ADAMTS6: variants seen among roughly 807,000 people sequenced by gnomAD.
ADAMTS6 encodes the protein ADAM metallopeptidase with thrombospondin type 1 motif 6.
A neutral mutation model predicts 144.3 loss-of-function variants in ADAMTS6; 23 were observed. The observed-to-expected ratio is 0.16, with a 90% CI of 0.11 to 0.23. The LOEUF is 0.23. Among genes scored for constraint, ADAMTS6 ranks in the 10% least tolerant of loss-of-function variants. The pLI is 1.00. For synonymous variants in ADAMTS6, 444 were observed against 457.5 expected, an observed-to-expected ratio of 0.97 and a Z score of 0.38; for missense variants, 999 against 1,379.6, an observed-to-expected ratio of 0.72 and a Z score of 4.37.
chr5:65,414,695 T>C (rs1755353596), intron 7 of ADAMTS6, among the ~76,000 whole-genome samples: 1 of 152,184 alleles, frequency 6.6e-6, no homozygotes, highest in Non-Finnish European at 1.5e-5. Flanking sequence ...AATTTGGTAG[T>C]GATTTAGAAT....
At chr5:65,226,563 T>C (rs1277101770) in intron 15 of ADAMTS6, among the ~76,000 whole-genome samples, 1 of 152,022 alleles carries the variant, frequency 6.6e-6, no homozygotes, top group Non-Finnish European at 1.5e-5. Flanking sequence ...TAATTGAATG[T>C]TTTTTAAAAA....
intron 7 of ADAMTS6, among the ~76,000 whole-genome samples, chr5:65,372,093 C>G (rs977831288): frequency 7.3e-5 from 11 of 151,208 alleles, no homozygotes; most frequent in South Asian, 2.1e-4. Flanking sequence ...GTCACCACCA[C>G]GCCTGCCCTA....
intron 7 of ADAMTS6, among the ~76,000 whole-genome samples, chr5:65,389,037 AC>A (rs1199312753): frequency 2.0e-5 from 3 of 152,130 alleles, no homozygotes; most frequent in South Asian, 2.1e-4. Flanking sequence ...GAAACTCTCT[AC>A]TGAAAATACA....
intron 7 of ADAMTS6, among the ~76,000 whole-genome samples, chr5:65,339,429 T>A (rs1003986613): frequency 2.9e-5 from 4 of 140,030 alleles, no homozygotes; most frequent in South Asian, 2.2e-4. Context: ...GAAATCAATA[T>A]GGGAACATGT....
At chr5:65,398,441 C>T (rs1753536339) in intron 7 of ADAMTS6, among the ~76,000 whole-genome samples, 1 of 152,134 alleles carries the variant, frequency 6.6e-6, no homozygotes, top group African/African-American at 2.4e-5. Context: ...ATTAATACAG[C>T]TGGCCGGGTG....
intron 21 of ADAMTS6, among the ~76,000 whole-genome samples, chr5:65,194,186 T>C (rs1192775221): frequency 6.6e-6 from 1 of 152,324 alleles, no homozygotes; most frequent in East Asian, 1.9e-4. Flanking sequence ...TCTCAGATGG[T>C]CCCTGATGTT....
chr5:65,464,888 CT>C (rs1331802939), intron 3 of ADAMTS6, among the ~76,000 whole-genome samples: 1 of 152,158 alleles, frequency 6.6e-6, no homozygotes, highest in Non-Finnish European at 1.5e-5. Flanking sequence ...TCCATTGATC[CT>C]ATCACCTTTT....
At chr5:65,363,913 C>T (rs1457545891) in intron 7 of ADAMTS6, among the ~76,000 whole-genome samples, 5 of 152,136 alleles carry the variant, frequency 3.3e-5, no homozygotes, top group Admixed American at 3.3e-4. Flanking sequence ...AAGCTTGTGC[C>T]TAACTATAAA....
rs552788673 is a variant in ADAMTS6 at position 65,392,859 on chromosome 5, A to G, written c.1073+58616T>C. ...CAGCAATCTTACAGCTATCTGAGAC[A>G]TGATAATCATGAAATATTAAAATAT... is the stretch of plus-strand genomic sequence containing the variant. On this transcript the variant is annotated intron_variant, in intron 7 of 24. Coordinates refer to ENST00000381055, the MANE Select transcript of ADAMTS6 (RefSeq NM_197941.4). Among the ~76,000 whole-genome samples, 5 of 152,314 alleles carry G rather than the reference A, an allele frequency of 3.3e-5. No individual in the cohort carries two copies. In the South Asian group the frequency reaches 1.0e-3, roughly 32 times the overall value.
At chr5:65,343,846 T>C (rs929993537) in intron 7 of ADAMTS6, among the ~76,000 whole-genome samples, 2 of 151,764 alleles carry the variant, frequency 1.3e-5, no homozygotes, top group African/African-American at 4.8e-5. Context: ...AATTAAAACA[T>C]CTCAACAGCA....
intron 7 of ADAMTS6, among the ~76,000 whole-genome samples, chr5:65,416,779 CAAAAT>C (rs1278358107): frequency 2.1e-5 from 3 of 146,106 alleles, no homozygotes; most frequent in African/African-American, 5.0e-5. Flanking sequence ...ACAACAACAA[CAAAAT>C]AAAATAAAAT....
At chr5:65,339,830 C>T (rs1015092917) in intron 7 of ADAMTS6, among the ~76,000 whole-genome samples, 2 of 150,730 alleles carry the variant, frequency 1.3e-5, no homozygotes, top group African/African-American at 4.9e-5. Context: ...GAAAAAGGAA[C>T]AAAAAAGAAT....
At chr5:65,280,841 G>C (rs1762930772) in intron 11 of ADAMTS6, among the ~76,000 whole-genome samples, 2 of 152,144 alleles carry the variant, frequency 1.3e-5, no homozygotes, top group Non-Finnish European at 2.9e-5. Context: ...AAAATATGCA[G>C]GACAACCTAG....
rs145176332 is a variant in ADAMTS6 at position 65,305,639 on chromosome 5, G to A, written c.1224-5508C>T. On this transcript the variant is annotated intron_variant, in intron 9 of 24. Transcript: ENST00000381055. ...AATGGATGAACAGTGGGTAACAAGA[G>A]AATATCTTCATTGCCAGTTTTATGT... 4.1e-3 allele frequency among the ~76,000 whole-genome samples: 624 copies of A among 152,256 alleles called. 2 individuals carry two copies. Among genetic ancestry groups the A allele is most frequent in the African/African-American group, 0.013 (553 of 41,568 alleles).
chr5:65,282,573 G>T (rs1227419129), intron 11 of ADAMTS6, among the ~76,000 whole-genome samples: 1 of 152,040 alleles, frequency 6.6e-6, no homozygotes, highest in African/African-American at 2.4e-5. Flanking sequence ...CAGCTCTACA[G>T]GGCCGCTTCA....
chr5:65,385,517 G>T (rs1752408775), intron 7 of ADAMTS6, among the ~76,000 whole-genome samples: 1 of 152,158 alleles, frequency 6.6e-6, no homozygotes, highest in African/African-American at 2.4e-5. Flanking sequence ...GAAATCAATT[G>T]CTATGTATAA....
intron 7 of ADAMTS6, among the ~76,000 whole-genome samples, chr5:65,382,383 C>T (rs549859146): frequency 1.3e-5 from 2 of 152,210 alleles, no homozygotes; most frequent in Non-Finnish European, 2.9e-5. Flanking sequence ...GAGCCCCACA[C>T]TCTCCTGAAA....
At chr5:65,221,185 A>T (rs1757300819) in intron 18 of ADAMTS6, among the ~76,000 whole-genome samples, 1 of 152,210 alleles carries the variant, frequency 6.6e-6, no homozygotes, top group Admixed American at 6.5e-5. Context: ...ACCAGCAAAG[A>T]AATCACAAGA....
chr5:65,258,952 ACAAAAG>A (rs1760923850), intron 14 of ADAMTS6, among the ~76,000 whole-genome samples: 1 of 152,196 alleles, frequency 6.6e-6, no homozygotes, highest in South Asian at 2.1e-4. Flanking sequence ...AATAAATGGT[ACAAAAG>A]CAATGGAACC....
Sources: gnomAD v4.1 joint callset for allele counts (sites outside exome capture counted in the v4.1 genomes callset) on GRCh38, gnomAD v4.1.1 for gene constraint, MANE v1.5 for transcripts, NCBI Gene and HGNC (gene_info 2026-07-23, HGNC 2026-07-21) for gene names.